The following KAZN variants were observed in gnomAD, a reference collection of about 807,000 sequenced individuals.
KAZN encodes the protein kazrin, periplakin interacting protein, also known as kazrin.
KAZN carries 40 observed loss-of-function variants against 87.4 expected under a neutral mutation model. That is an observed-to-expected ratio of 0.46 (90% confidence interval 0.36 to 0.60). KAZN has a LOEUF of 0.60. KAZN is among the 20% of genes least tolerant of loss of function. The pLI is 0.00. For missense variants in KAZN, 898 were observed against 1,073.9 expected, an observed-to-expected ratio of 0.84 and a Z score of 2.29; for synonymous variants, 466 against 458.3, an observed-to-expected ratio of 1.02 and a Z score of -0.22.
chr1:14,933,654 CA>C (rs1201693616), intron 1 of KAZN, among the ~76,000 whole-genome samples: 1 of 152,078 alleles, frequency 6.6e-6, no homozygotes, highest in Admixed American at 6.6e-5. Flanking sequence ...ATTTTAGAGA[CA>C]AGGTTTCACT....
At chr1:14,457,992 G>C (rs1457700513) in intron 2 of KAZN, among the ~76,000 whole-genome samples, 3 of 151,778 alleles carry the variant, frequency 2.0e-5, no homozygotes, top group Non-Finnish European at 4.4e-5. Flanking sequence ...TAATTTTTGT[G>C]TGTGTGTTTT....
intron 8 of KAZN, among the ~76,000 whole-genome samples, chr1:15,091,013 A>T (rs552776304): frequency 2.0e-5 from 3 of 152,194 alleles, no homozygotes; most frequent in Non-Finnish European, 4.4e-5. Flanking sequence ...GTAACTTGAA[A>T]AAGTGAGATT....
intron 2 of KAZN, among the ~76,000 whole-genome samples, chr1:14,558,681 C>T (rs1183411918): frequency 3.3e-5 from 5 of 152,072 alleles, no homozygotes; most frequent in Admixed American, 6.6e-5. Flanking sequence ...TGAGCGTTTG[C>T]ATATGGGAAG....
intron 2 of KAZN, among the ~76,000 whole-genome samples, chr1:14,453,378 G>A (rs941037040): frequency 2.0e-5 from 3 of 152,110 alleles, no homozygotes; most frequent in African/African-American, 4.8e-5. Flanking sequence ...TAATACAAAG[G>A]TAATAATCAA....
At chr1:14,030,865 A>C (rs1158171190) in intron 1 of KAZN, among the ~76,000 whole-genome samples, 2 of 152,236 alleles carry the variant, frequency 1.3e-5, no homozygotes, top group Admixed American at 1.3e-4. Flanking sequence ...TTTTATGTGC[A>C]CAGGAAAATG....
chr1:14,296,138 G>T (rs1654096968), intron 2 of KAZN, among the ~76,000 whole-genome samples: 1 of 152,166 alleles, frequency 6.6e-6, no homozygotes, highest in African/African-American at 2.4e-5. Context: ...GTGAGTGTAA[G>T]CTATCATTAT....
At chr1:14,102,052 G>A (rs529958730) in intron 1 of KAZN, among the ~76,000 whole-genome samples, 3 of 152,136 alleles carry the variant, frequency 2.0e-5, no homozygotes, top group African/African-American at 7.2e-5. Context: ...ACCAATCTCA[G>A]TGAGTGAGGT....
intron 1 of KAZN, among the ~76,000 whole-genome samples, chr1:14,030,908 G>A (rs1240028513): frequency 6.6e-6 from 1 of 152,162 alleles, no homozygotes; most frequent in Non-Finnish European, 1.5e-5. Flanking sequence ...CAGCAACTAT[G>A]TCTCTTGACC....
At chr1:14,518,799 T>C (rs929824350) in intron 2 of KAZN, among the ~76,000 whole-genome samples, 3 of 152,246 alleles carry the variant, frequency 2.0e-5, no homozygotes, top group Non-Finnish European at 4.4e-5. Flanking sequence ...ATAGATACTA[T>C]ATTTTGAGAG....
At chr1:14,804,414 C>T (rs1244364546) in intron 1 of KAZN, among the ~76,000 whole-genome samples, 1 of 152,100 alleles carries the variant, frequency 6.6e-6, no homozygotes, top group Non-Finnish European at 1.5e-5. Flanking sequence ...CCTTGTGTCT[C>T]CCCACTCAAA....
chr1:14,235,832 C>T (rs138115933), intron 2 of KAZN, among the ~76,000 whole-genome samples: 5 of 152,140 alleles, frequency 3.3e-5, no homozygotes, highest in African/African-American at 1.2e-4. Context: ...TTGCTGGAAA[C>T]AGCACCCTTC....
At chr1:15,068,072 C>T (rs953810071) in intron 8 of KAZN, 72 of 892,608 alleles carry the variant, frequency 8.1e-5, no homozygotes, top group Admixed American at 1.9e-4. Context: ...TAACCTTTCC[C>T]GTGGGAAAGG....
chr1:15,082,102 C>T (rs1640030957), intron 8 of KAZN, among the ~76,000 whole-genome samples: 1 of 152,106 alleles, frequency 6.6e-6, no homozygotes, highest in South Asian at 2.1e-4. Flanking sequence ...GCAACCTTAG[C>T]CTGCCCTCAC....
intron 1 of KAZN, among the ~76,000 whole-genome samples, chr1:14,032,654 A>G (rs969185159): frequency 1.3e-5 from 2 of 152,084 alleles, no homozygotes; most frequent in African/African-American, 4.8e-5. Context: ...TGAATTTCCA[A>G]CATAGTTACA....
chr1:14,785,409 T>C (rs1401180439), intron 1 of KAZN, among the ~76,000 whole-genome samples: 1 of 152,100 alleles, frequency 6.6e-6, no homozygotes, highest in African/African-American at 2.4e-5. Flanking sequence ...CTAAGAGTGG[T>C]GTCATGGAGA....
chr1:14,830,548 C>G (rs925458662), intron 1 of KAZN, among the ~76,000 whole-genome samples: 4 of 152,080 alleles, frequency 2.6e-5, no homozygotes, highest in African/African-American at 9.7e-5. Context: ...TTTAATTGAC[C>G]CACAGTTCTG....
intron 1 of KAZN, among the ~76,000 whole-genome samples, chr1:14,776,933 C>CAA (rs56275592): frequency 9.4e-4 from 106 of 112,968 alleles, no homozygotes; most frequent in Middle Eastern, 9.8e-3. Context: ...TACCCTGTCT[C>CAA]AAAAAAAAAA....
At chr1:14,451,588 G>GAC (rs535430167) in intron 2 of KAZN, among the ~76,000 whole-genome samples, 1 of 144,058 alleles carries the variant, frequency 6.9e-6, no homozygotes, top group Non-Finnish European at 1.5e-5. Context: ...TTCAGAAAGA[G>GAC]AGAGAGAGAG....
intron 2 of KAZN, among the ~76,000 whole-genome samples, chr1:14,443,024 C>T (rs576469947): frequency 6.2e-4 from 94 of 152,240 alleles, no homozygotes; most frequent in African/African-American, 2.1e-3. Flanking sequence ...GTGAACTTGG[C>T]CAATCAGTCA....
Sources: allele counts gnomAD v4.1 joint callset (sites outside exome capture counted in the v4.1 genomes callset), GRCh38; gene constraint gnomAD v4.1.1; transcripts MANE v1.5; gene names NCBI Gene and HGNC (gene_info 2026-07-23, HGNC 2026-07-21).